Variants in SIPA1L2 observed in about 807,000 individuals in gnomAD.
SIPA1L2 encodes signal-induced proliferation-associated 1-like protein 2.
A neutral mutation model predicts 163.9 loss-of-function variants in SIPA1L2; 56 were observed. That is an observed-to-expected ratio of 0.34 (90% CI 0.28 to 0.43). The LOEUF (loss-of-function observed/expected upper bound fraction) is 0.43, where lower values mean the gene tolerates loss of function less well. SIPA1L2 is among the 20% of genes least tolerant of loss of function. The pLI, the probability that SIPA1L2 is intolerant of heterozygous loss-of-function variation, is 1.00. For synonymous variants in SIPA1L2, 877 were observed against 865.7 expected, an observed-to-expected ratio of 1.01 and a Z score of -0.23; for missense variants, 1,974 against 2,193.5, an observed-to-expected ratio of 0.90 and a Z score of 2.00.
intron 2 of SIPA1L2, among the ~76,000 whole-genome samples, chr1:232,532,382 G>C (rs1370285185): frequency 6.6e-6 from 1 of 152,168 alleles, no homozygotes; most frequent in Non-Finnish European, 1.5e-5. Context: ...TAGATCACAT[G>C]TGCAAAATGC....
intron 18 of SIPA1L2, among the ~76,000 whole-genome samples, chr1:232,420,210 T>C (rs1479001178): frequency 6.6e-6 from 1 of 151,710 alleles, no homozygotes; most frequent in Non-Finnish European, 1.5e-5. Context: ...GTAATCCCAG[T>C]TACTCGGGAG....
chr1:232,473,689 T>C (rs1664904999), intron 7 of SIPA1L2, among the ~76,000 whole-genome samples: 1 of 152,224 alleles, frequency 6.6e-6, no homozygotes. Flanking sequence ...CTAGACACAT[T>C]CTTTTGCTTT....
At chr1:232,584,540 GTTT>G in intron 1 of SIPA1L2, among the ~76,000 whole-genome samples, 1 of 152,326 alleles carries the variant, frequency 6.6e-6, no homozygotes, top group South Asian at 2.1e-4. Flanking sequence ...AAAATGGACA[GTTT>G]ATCCTGTATC....
At chr1:232,629,524 G>C (rs978971559) in intron 1 of SIPA1L2, among the ~76,000 whole-genome samples, 1 of 152,238 alleles carries the variant, frequency 6.6e-6, no homozygotes, top group Non-Finnish European at 1.5e-5. Context: ...AGCCCTTCCA[G>C]AGAGCGTTAG....
chr1:232,493,424 TA>T (rs11294872), intron 4 of SIPA1L2, 102 bp downstream of exon 4: 329,742 of 1,317,620 alleles, frequency 0.25, 40,843 homozygotes, highest in Admixed American at 0.39. Flanking sequence ...TCATTAACAT[TA>T]AAAAAAAATA....
intron 11 of SIPA1L2, among the ~76,000 whole-genome samples, chr1:232,444,532 T>C (rs1663092375): frequency 6.6e-6 from 1 of 152,176 alleles, no homozygotes; most frequent in Non-Finnish European, 1.5e-5. Context: ...CTGGAAAGAA[T>C]AAAAATTGGA....
chr1:232,471,319 G>T, intron 8 of SIPA1L2, 52 bp downstream of exon 8: 1 of 1,541,384 alleles, frequency 6.5e-7, no homozygotes, highest in South Asian at 1.3e-5. Context: ...GGGAAAAGAC[G>T]CCCTGTTGAA....
At chr1:232,478,176 GT>G (rs1270223214) in intron 7 of SIPA1L2, among the ~76,000 whole-genome samples, 2 of 152,172 alleles carry the variant, frequency 1.3e-5, no homozygotes, top group Non-Finnish European at 2.9e-5. Context: ...ATACATACAT[GT>G]GATCTAGTGA....
At chr1:232,613,360 A>G (rs2102877527) in intron 1 of SIPA1L2, among the ~76,000 whole-genome samples, 1 of 152,340 alleles carries the variant, frequency 6.6e-6, no homozygotes, top group East Asian at 1.9e-4. Context: ...GACCCTTTAT[A>G]CTGACTTTTT....
At chr1:232,618,837 T>C (rs1049428511) in intron 1 of SIPA1L2, among the ~76,000 whole-genome samples, 3 of 152,234 alleles carry the variant, frequency 2.0e-5, no homozygotes, top group Admixed American at 2.0e-4. Context: ...AGTAATTTTA[T>C]ACCAAAACGT....
intron 19 of SIPA1L2, among the ~76,000 whole-genome samples, chr1:232,413,543 C>T (rs1401932545): frequency 2.0e-5 from 3 of 152,158 alleles, no homozygotes; most frequent in African/African-American, 7.2e-5. Flanking sequence ...GAAAGGTGAT[C>T]ACAAAATGCA....
chr1:232,616,539 A>G (rs1026264619), intron 1 of SIPA1L2, among the ~76,000 whole-genome samples: 9 of 152,192 alleles, frequency 5.9e-5, no homozygotes, highest in African/African-American at 2.2e-4. Flanking sequence ...CAATGCAGTG[A>G]GGCTGGGCCC....
At chr1:232,501,751 T>A (rs1666491979) in intron 3 of SIPA1L2, among the ~76,000 whole-genome samples, 1 of 152,224 alleles carries the variant, frequency 6.6e-6, no homozygotes, top group South Asian at 2.1e-4. Context: ...TTCACTCCCC[T>A]AAGCCCTTAT....
rs1020124371 is a variant in SIPA1L2 at position 232,408,224 on chromosome 1, T to C, written c.4763-4046A>G. ...CTCCGCCAGCTTTTCAAACTTGACC[T>C]TACAGCATGGGGGAGGCACAGGGCA... On this transcript the variant is annotated intron_variant, in intron 19 of 22. Transcript: ENST00000674635. Among the ~76,000 whole-genome samples, 21 of 151,458 alleles carry C rather than the reference T, an allele frequency of 1.4e-4. 1 individual carries two copies. Among genetic ancestry groups the C allele is most frequent in the Admixed American group, 1.4e-3 (21 of 15,198 alleles).
intron 1 of SIPA1L2, among the ~76,000 whole-genome samples, chr1:232,581,589 T>C (rs2025724): frequency 0.26 from 39,168 of 152,096 alleles, 5,111 homozygotes; most frequent in Non-Finnish European, 0.27. Flanking sequence ...ACTTTGAGTT[T>C]CTTTGACTGA....
At chr1:232,534,427 A>G (rs1657179110) in intron 2 of SIPA1L2, among the ~76,000 whole-genome samples, 1 of 152,256 alleles carries the variant, frequency 6.6e-6, no homozygotes, top group Admixed American at 6.5e-5. Context: ...TACTAAAACT[A>G]TAAAACTCAT....
chr1:232,540,205 G>A (rs1189854758), intron 2 of SIPA1L2, among the ~76,000 whole-genome samples: 1 of 152,146 alleles, frequency 6.6e-6, no homozygotes. Context: ...TCGAGAGGCT[G>A]AGGCAGGAGA....
chr1:232,591,600 C>T (rs1265333218), intron 1 of SIPA1L2, among the ~76,000 whole-genome samples: 1 of 152,206 alleles, frequency 6.6e-6, no homozygotes, highest in Non-Finnish European at 1.5e-5. Context: ...TGCCTTTAAG[C>T]TCTCTCTTCA....
At position 232,455,314 on chromosome 1, in the gene SIPA1L2, G is replaced by A. The variant is rs547212368; in HGVS notation, c.3095+5573C>T. 2.0e-5 allele frequency among the ~76,000 whole-genome samples: 3 copies of A among 152,210 alleles called. No individual in the cohort carries two copies. The South Asian group carries it at 6.2e-4, about 32-fold the overall frequency. On this transcript the variant is annotated intron_variant, in intron 10 of 22. Coordinates refer to ENST00000674635, the MANE Select transcript of SIPA1L2 (RefSeq NM_020808.5). ...AAAAGCTCACTTGAGACACACGCAC[G>A]CATATGTTCACTGCAGCACTATAAC...
Sources: allele counts gnomAD v4.1 joint callset (sites outside exome capture counted in the v4.1 genomes callset), GRCh38; gene constraint gnomAD v4.1.1; transcripts MANE v1.5; gene names NCBI Gene and HGNC (gene_info 2026-07-23, HGNC 2026-07-21).